WDR11: variants seen among roughly 807,000 people sequenced by gnomAD.
WDR11 encodes WD repeat domain 11, also known as WD repeat-containing protein 11.
WDR11 carries 83 observed loss-of-function variants against 151.2 expected under a neutral mutation model. The observed-to-expected ratio is 0.55, with a 90% CI of 0.46 to 0.66. The LOEUF is 0.66. Among genes scored for constraint, WDR11 ranks in the 30% least tolerant of loss-of-function variants. The pLI is 0.00. For missense variants in WDR11, 1,301 were observed against 1,480.9 expected (o/e 0.88, Z 1.99); for synonymous variants, 484 against 533.1 (o/e 0.91, Z 1.27).
intron 2 of WDR11, among the ~76,000 whole-genome samples, chr10:120,855,770 AT>A (rs1452586124): frequency 6.6e-6 from 1 of 151,870 alleles, no homozygotes; most frequent in East Asian, 1.9e-4. Context: ...TTTTGGGTAA[AT>A]TTTTTTTAAG....
At position 120,858,755 on chromosome 10, in the gene WDR11, T is replaced by G. The variant is rs781324756; in HGVS notation, c.311T>G (p.Val104Gly). Residue 104 changes from valine (V) to glycine (G), a missense_variant, in exon 3 of 29, where the codon GTA becomes GGA. Transcript: ENST00000263461. ...ATCGTCTGGGATGTAGCAGCAGGAG[T>G]AGCTCAGTGTGAGATCCAAGAGCAT... ...KIIVWDVAAG[V>G]AQCEIQEHAK... 1.2e-6 allele frequency: 2 copies of G among 1,614,094 alleles called. No homozygotes were observed. Among genetic ancestry groups the G allele is most frequent in the South Asian group, 1.1e-5 (1 of 91,072 alleles).
intron 2 of WDR11, among the ~76,000 whole-genome samples, chr10:120,854,178 C>CCATTT (rs1845872609): frequency 2.0e-5 from 3 of 152,168 alleles, no homozygotes; most frequent in African/African-American, 7.2e-5. Flanking sequence ...CAGTCATATT[C>CCATTT]CATTTCCCCC....
intron 28 of WDR11, chr10:120,908,191 C>T (rs527689780): frequency 3.7e-6 from 1 of 267,060 alleles, no homozygotes; most frequent in East Asian, 8.4e-5. Flanking sequence ...GCCAGCCTCT[C>T]AGACTTTCAA....
chr10:120,851,588 C>T, intron 1 of WDR11, 82 bp downstream of exon 1: 1 of 1,534,230 alleles, frequency 6.5e-7, no homozygotes, highest in Non-Finnish European at 8.8e-7. Context: ...GGTTTCACCC[C>T]CTGGTTAGTT....
chr10:120,885,578 G>A lies in WDR11; in HGVS notation c.1849-236G>A, dbSNP rs6585672. Among the ~76,000 whole-genome samples the A allele has an allele frequency of 0.37, 56,541 of 151,898 alleles. 10,616 individuals are homozygous for A. The highest frequency in any genetic ancestry group is 0.44 in the Admixed American group (6,710 of 15,278). The stretch of plus-strand genomic sequence containing the variant: ...TGAATTCATTATTTTCATTTTGTAA[G>A]TATTTTATAAAAACATCAAAAGGTC... On this transcript the variant is annotated intron_variant, in intron 14 of 28. Coordinates refer to ENST00000263461, the MANE Select transcript of WDR11 (RefSeq NM_018117.12).
rs2097783948 is a variant in WDR11, at chr10:120,874,066, G to A, written c.1556+143G>A. On this transcript the variant is annotated intron_variant, in intron 11 of 28. Coordinates refer to ENST00000263461, the MANE Select transcript of WDR11 (RefSeq NM_018117.12). ...GAATAATATTCATGTCCAACTAATG[G>A]CTATGTTAATCAAGGATGATAACTA... is the stretch of plus-strand genomic sequence containing the variant. 19 of 650,084 alleles carry A rather than the reference G, an allele frequency of 2.9e-5. No homozygotes were observed. In the South Asian group the frequency reaches 3.0e-4, roughly 10 times the overall value. 40.3% of individuals were successfully genotyped at this position (650,084 alleles called of 1,614,324 possible).
intron 28 of WDR11, 120 bp downstream of exon 28, chr10:120,906,975 C>A: frequency 7.0e-7 from 1 of 1,427,270 alleles, no homozygotes; most frequent in Non-Finnish European, 9.7e-7. Flanking sequence ...GATCCATGTT[C>A]TGATTTTCTG....
At chr10:120,856,340 C>T (rs573537808) in intron 2 of WDR11, among the ~76,000 whole-genome samples, 9 of 151,996 alleles carry the variant, frequency 5.9e-5, no homozygotes, top group Admixed American at 3.9e-4. Context: ...TCTGGGAGGC[C>T]GAGGTGGATG....
chr10:120,886,740 C>T lies in WDR11; in HGVS notation c.2025C>T (p.Ala675=). 6.2e-7 allele frequency: 1 copy of T among 1,613,900 alleles called. No individual in the cohort carries two copies. Residue 675 remains alanine, a synonymous_variant, in exon 16 of 29, where the codon GCC becomes GCT. Coordinates refer to ENST00000263461, the MANE Select transcript of WDR11 (RefSeq NM_018117.12). ...CTGAACTTAGTCAGAACATCTCTGCCCGGGAACATTTTGTATTTACCGATA... is the reference window on the plus strand; with the variant it reads ...CTGAACTTAGTCAGAACATCTCTGCTCGGGAACATTTTGTATTTACCGATA... ...SKSELSQNIS[A]REHFVFTDID...
chr10:120,886,545 TG>T, intron 15 of WDR11, 143 bp from the exon 16 acceptor site: 1 of 982,506 alleles, frequency 1.0e-6, no homozygotes. Flanking sequence ...CATAATTAGC[TG>T]GGCAAATATT....
intron 9 of WDR11, among the ~76,000 whole-genome samples, chr10:120,870,229 T>C (rs1330707181): frequency 1.3e-5 from 2 of 152,224 alleles, no homozygotes; most frequent in African/African-American, 4.8e-5. Context: ...AAAACAACTT[T>C]ACAGCTTCAA....
chr10:120,851,451 T>G lies in WDR11; in HGVS notation c.31T>G (p.Ser11Ala). Reference sequence around the variant, plus strand: ...GCCCTACACAGTGAACTTCAAGGTGTCGGCGCGCACCCTCACGGGGGCCCT... The same window carrying G: ...GCCCTACACAGTGAACTTCAAGGTGGCGGCGCGCACCCTCACGGGGGCCCT... MLPYTVNFKVSARTLTGALNA... is the reference protein window; with the variant it reads MLPYTVNFKVAARTLTGALNA... The change falls in exon 1 of 29, where the codon TCG becomes GCG. Residue 11 changes from serine (S) to alanine (A), a missense_variant. This residue lies in a region of WDR11 where 692 missense variants were observed against 762.5 expected (regional missense o/e 0.91). Transcript: ENST00000263461. The G allele has an allele frequency of 6.2e-7, 1 of 1,612,158 alleles. No individual in the cohort carries two copies. The highest frequency in any genetic ancestry group is 1.1e-5 in the South Asian group (1 of 90,588).
At chr10:120,874,771 TG>T (rs1187291316) in intron 11 of WDR11, among the ~76,000 whole-genome samples, 1 of 151,948 alleles carries the variant, frequency 6.6e-6, no homozygotes, top group Non-Finnish European at 1.5e-5. Context: ...TATTCCATGG[TG>T]TGTATGTACC....
intron 3 of WDR11, 123 bp downstream of exon 3, chr10:120,858,919 T>C (rs1846037914): frequency 1.6e-6 from 2 of 1,230,826 alleles, no homozygotes; most frequent in Non-Finnish European, 2.3e-6. Flanking sequence ...CTCTTGATTG[T>C]GTTTTGCCTA....
chr10:120,856,532 G>A (rs1443070780), intron 2 of WDR11, among the ~76,000 whole-genome samples: 5 of 134,840 alleles, frequency 3.7e-5, no homozygotes, highest in Non-Finnish European at 7.6e-5. Flanking sequence ...CTGAGATAGT[G>A]CCACTGCACT....
intron 14 of WDR11, chr10:120,885,050 C>T (rs1057491265): frequency 3.9e-5 from 6 of 152,234 alleles, no homozygotes; most frequent in African/African-American, 1.4e-4. Flanking sequence ...CAAACACAGA[C>T]ATCTTCTGTG....
At chr10:120,857,466 T>C (rs996919918) in intron 2 of WDR11, among the ~76,000 whole-genome samples, 7 of 152,226 alleles carry the variant, frequency 4.6e-5, no homozygotes, top group African/African-American at 1.7e-4. Flanking sequence ...ATACATATTC[T>C]ATTCATACAC....
At chr10:120,859,802 A>T (rs1846074045) in intron 3 of WDR11, among the ~76,000 whole-genome samples, 1 of 152,150 alleles carries the variant, frequency 6.6e-6, no homozygotes, top group Non-Finnish European at 1.5e-5. Context: ...AGAGAGTTTC[A>T]TATTGATTTT....
chr10:120,863,027 A>G (rs950986136), intron 5 of WDR11, 106 bp downstream of exon 5: 1 of 801,382 alleles, frequency 1.2e-6, no homozygotes, highest in South Asian at 1.6e-5. Context: ...ACTTTTTCTC[A>G]TTTCTAATTT....
Sources: allele counts gnomAD v4.1 joint callset (sites outside exome capture counted in the v4.1 genomes callset), GRCh38; gene constraint gnomAD v4.1.1; regional missense constraint gnomAD v4.1.1; transcripts MANE v1.5; gene names NCBI Gene and HGNC (gene_info 2026-07-23, HGNC 2026-07-21).